GABRA6: variants seen among roughly 807,000 people sequenced by gnomAD.
GABRA6 encodes the protein gamma-aminobutyric acid receptor subunit alpha-6.
Under a neutral mutation model 47.3 loss-of-function variants are expected in GABRA6, and 45 were observed. The observed-to-expected ratio is 0.95, with a 90% CI of 0.75 to 1.22. The LOEUF (loss-of-function observed/expected upper bound fraction) is 1.22, where lower values mean the gene tolerates loss of function less well. Among genes scored for constraint, GABRA6 ranks in the 50% most tolerant of loss-of-function variants. The pLI is 0.00. For synonymous variants in GABRA6, 219 were observed against 194.7 expected (o/e 1.12, Z -1.04); for missense variants, 583 against 549.3 (o/e 1.06, Z -0.61).
intron 5 of GABRA6, 102 bp from the exon 6 acceptor site, chr5:161,689,534 T>A: frequency 8.7e-7 from 1 of 1,146,512 alleles, no homozygotes; most frequent in Non-Finnish European, 1.3e-6. Context: ...TTAAATACAA[T>A]CTATGTTTGT....
chr5:161,690,471 G>A, intron 7 of GABRA6, 118 bp downstream of exon 7: 1 of 1,024,456 alleles, frequency 9.8e-7, no homozygotes, highest in Admixed American at 1.8e-5. Flanking sequence ...ATAGGTTCCT[G>A]TCTCATCCAG....
At chr5:161,687,337 A>C (rs1754718935) in intron 3 of GABRA6, 1 of 388,570 alleles carries the variant, frequency 2.6e-6, no homozygotes, top group Admixed American at 3.6e-5. Context: ...AAAAAAACAC[A>C]CAGATCTTAT....
intron 7 of GABRA6, among the ~76,000 whole-genome samples, chr5:161,691,288 CTTTTTTTT>C (rs1160422481): frequency 0.15 from 12,607 of 84,890 alleles, 605 homozygotes; most frequent in East Asian, 0.4. Flanking sequence ...TTTTTCTTTC[CTTTTTTTT>C]TTTTTTTTTT....
At position 161,685,755 on chromosome 5, in the gene GABRA6, C is replaced by CT. The variant is rs1265667918; in HGVS notation, c.-234dup. The CT allele has an allele frequency of 1.2e-5, 7 of 594,872 alleles. No individual in the cohort carries two copies. The African/African-American group carries it at 1.3e-4, about 11-fold the overall frequency. The allele number at this position is 594,872 out of a possible 1,614,324, so 36.8% of individuals were successfully genotyped here. ...AGCCTGGGTGTCTGCAGGACATAAT[C>CT]TAAGACCACAAACCACCTTGTTCCA... On this transcript the variant is annotated 5_prime_UTR_variant, in exon 1 of 9. Coordinates refer to ENST00000274545, the MANE Select transcript of GABRA6 (RefSeq NM_000811.3).
chr5:161,694,535 C>G (rs1754855754), intron 8 of GABRA6, among the ~76,000 whole-genome samples: 1 of 151,976 alleles, frequency 6.6e-6, no homozygotes, highest in Non-Finnish European at 1.5e-5. Flanking sequence ...TTTAAGATCT[C>G]AGGTTTTGAT....
At chr5:161,689,980 T>C in intron 6 of GABRA6, 2 of 674,244 alleles carry the variant, frequency 3.0e-6, no homozygotes, top group Non-Finnish European at 5.0e-6. Context: ...AGTAGTTTTT[T>C]TTATGTATAT....
chr5:161,685,880 C>T lies in GABRA6; in HGVS notation c.-110C>T. On this transcript the variant is annotated 5_prime_UTR_variant, in exon 1 of 9. Transcript: ENST00000274545. Reference sequence around the variant, plus strand: ...TTACTGACTTGAGGCAAACAAGGAACAGAGATATGAAGGGTTTGAAAGATT... The same window carrying T: ...TTACTGACTTGAGGCAAACAAGGAATAGAGATATGAAGGGTTTGAAAGATT... The T allele has an allele frequency of 1.1e-6, 1 of 916,286 alleles. No homozygotes were observed. Among genetic ancestry groups the T allele is most frequent in the South Asian group, 1.3e-5 (1 of 76,642 alleles). 56.8% of individuals were successfully genotyped at this position (916,286 alleles called of 1,614,324 possible).
intron 8 of GABRA6, among the ~76,000 whole-genome samples, chr5:161,695,208 T>C (rs1754866928): frequency 6.6e-6 from 1 of 152,148 alleles, no homozygotes; most frequent in Non-Finnish European, 1.5e-5. Flanking sequence ...TCACTTTGAT[T>C]CTGACCTTAA....
chr5:161,686,455 G>A (rs985645397), intron 2 of GABRA6, 107 bp downstream of exon 2: 13 of 848,422 alleles, frequency 1.5e-5, no homozygotes, highest in Non-Finnish European at 2.2e-5. Context: ...AAGGGGCAGG[G>A]TACGGGAGAG....
At chr5:161,700,631 G>A (rs1229183686) in intron 8 of GABRA6, among the ~76,000 whole-genome samples, 1 of 152,132 alleles carries the variant, frequency 6.6e-6, no homozygotes, top group Non-Finnish European at 1.5e-5. Flanking sequence ...TCCCCTATCT[G>A]GACCCTAGCC....
At chr5:161,688,736 G>A (rs1245473173) in intron 3 of GABRA6, among the ~76,000 whole-genome samples, 1 of 152,144 alleles carries the variant, frequency 6.6e-6, no homozygotes, top group Non-Finnish European at 1.5e-5. Context: ...GAGGAGGGAA[G>A]TTTACATATC....
At position 161,686,973 on chromosome 5, in the gene GABRA6, C is replaced by T; in HGVS notation, c.195C>T (p.Thr65=). ...VTEVKTDIYV[T]SFGPVSDVEM... ...AAGTCAAAACAGACATTTATGTGAC[C>T]AGTTTTGGGCCCGTGTCAGATGTGG... Residue 65 remains threonine, a synonymous_variant, in exon 3 of 9, where the codon ACC becomes ACT. Coordinates refer to ENST00000274545, the MANE Select transcript of GABRA6 (RefSeq NM_000811.3). The T allele has an allele frequency of 6.2e-7, 1 of 1,613,890 alleles. No individual in the cohort carries two copies. Among genetic ancestry groups the T allele is most frequent in the South Asian group, 1.1e-5 (1 of 91,076 alleles).
intron 6 of GABRA6, 165 bp downstream of exon 6, chr5:161,689,944 A>G: frequency 1.4e-6 from 1 of 728,052 alleles, no homozygotes; most frequent in South Asian, 1.8e-5. Flanking sequence ...CCAGGTGCAT[A>G]TAAAGATTTG....
chr5:161,686,472 T>C (rs918555004), intron 2 of GABRA6, 124 bp downstream of exon 2: 15 of 790,204 alleles, frequency 1.9e-5, no homozygotes, highest in Non-Finnish European at 3.4e-5. Context: ...AGAGAGACCA[T>C]GGGTATGTTC....
intron 8 of GABRA6, among the ~76,000 whole-genome samples, chr5:161,694,309 G>GAA (rs201591796): frequency 3.8e-5 from 5 of 132,478 alleles, no homozygotes; most frequent in African/African-American, 8.6e-5. Flanking sequence ...TAGTAAGAGT[G>GAA]AAAAAAAAAA....
intron 3 of GABRA6, among the ~76,000 whole-genome samples, chr5:161,687,983 T>C (rs939605545): frequency 6.6e-6 from 1 of 152,144 alleles, no homozygotes; most frequent in Admixed American, 6.6e-5. Context: ...TATTTTAGTA[T>C]CATATTTTTC....
chr5:161,689,545 A>G (rs1480890606), intron 5 of GABRA6, 91 bp from the exon 6 acceptor site: 2 of 1,231,600 alleles, frequency 1.6e-6, no homozygotes, highest in East Asian at 2.5e-5. Context: ...CTATGTTTGT[A>G]TTTCCTTTTT....
At position 161,692,280 on chromosome 5, in the gene GABRA6, A is replaced by G. The variant is rs1754807871; in HGVS notation, c.1086+80A>G. ...GTGATCAGAAACAACGAAAGTGTCC[A>G]AAAGTAATGTGAGTTGAGCACAGGT... On this transcript the variant is annotated intron_variant, in intron 8 of 8. Coordinates refer to ENST00000274545, the MANE Select transcript of GABRA6 (RefSeq NM_000811.3). The G allele has an allele frequency of 1.9e-6, 3 of 1,553,412 alleles. No individual in the cohort carries two copies. In the African/African-American group the frequency reaches 4.1e-5, roughly 21 times the overall value.
At chr5:161,701,269 T>C (rs1351730066) in intron 8 of GABRA6, among the ~76,000 whole-genome samples, 1 of 152,192 alleles carries the variant, frequency 6.6e-6, no homozygotes, top group African/African-American at 2.4e-5. Flanking sequence ...TGCTGATGTA[T>C]TGAGTAATAG....
Sources: allele counts gnomAD v4.1 joint callset (sites outside exome capture counted in the v4.1 genomes callset), GRCh38; gene constraint gnomAD v4.1.1; transcripts MANE v1.5; gene names NCBI Gene and HGNC (gene_info 2026-07-23, HGNC 2026-07-21).